The following RABEPK variants were observed in gnomAD, a reference collection of about 807,000 sequenced individuals.
The protein encoded by RABEPK is Rab9 effector protein with kelch motifs, also known as 40 kDa Rab9 effector protein.
Under a neutral mutation model 34.1 loss-of-function variants are expected in RABEPK, and 27 were observed. The ratio of observed to expected loss-of-function variants is 0.79; its 90% CI spans 0.58 to 1.09. RABEPK has a LOEUF of 1.09. RABEPK is among the 50% of genes least tolerant of loss of function. The probability of loss-of-function intolerance (pLI) is 0.00; values close to 1 mark genes in which losing one functional copy is unlikely to be tolerated. For synonymous variants in RABEPK, 172 were observed against 169.2 expected (o/e 1.02, Z -0.13); for missense variants, 449 against 462.6 (o/e 0.97, Z 0.27).
chr9:125,226,403 A>G (rs1831751517), intron 5 of RABEPK, among the ~76,000 whole-genome samples: 1 of 152,060 alleles, frequency 6.6e-6, no homozygotes, highest in African/African-American at 2.4e-5. Context: ...AAGGGATGAA[A>G]TTGTTATTGA....
chr9:125,228,942 G>A (rs905528018), intron 6 of RABEPK, among the ~76,000 whole-genome samples: 10 of 151,034 alleles, frequency 6.6e-5, no homozygotes, highest in Non-Finnish European at 1.2e-4. Flanking sequence ...CAGCCTGGGT[G>A]ACAGAGTGAG....
chr9:125,213,438 C>T lies in RABEPK; in HGVS notation c.280C>T (p.Pro94Ser), dbSNP rs919439858. The T allele has an allele frequency of 1.9e-6, 3 of 1,613,972 alleles. No individual in the cohort carries two copies. In the African/African-American group the frequency reaches 4.0e-5, roughly 22 times the overall value. The change falls in exon 4 of 8, where the codon CCC becomes TCC. Residue 94 changes from proline (P) to serine (S), a missense_variant. Transcript: ENST00000373538. ...LPRYEHASFI[P>S]SCTPDRIWVF... is the part of the protein sequence containing the mutation. ...CCGGTATGAACATGCTAGCTTCATT[C>T]CCTCCTGCACACCTGACCGTATCTG...
chr9:125,226,816 A>T (rs1449385377), intron 5 of RABEPK, among the ~76,000 whole-genome samples: 1 of 151,624 alleles, frequency 6.6e-6, no homozygotes, highest in African/African-American at 2.4e-5. Context: ...GTAAGCCGAG[A>T]TTGTGCCACT....
chr9:125,231,461 G>A (rs1832172643), intron 6 of RABEPK, among the ~76,000 whole-genome samples: 1 of 152,130 alleles, frequency 6.6e-6, no homozygotes, highest in Non-Finnish European at 1.5e-5. Context: ...TAGGGTCTCG[G>A]ACAAGTCTCT....
intron 4 of RABEPK, among the ~76,000 whole-genome samples, chr9:125,216,176 C>T (rs1830916955): frequency 6.6e-6 from 1 of 151,928 alleles, no homozygotes; most frequent in African/African-American, 2.4e-5. Flanking sequence ...GCCTGTAGTC[C>T]CAGCTGCTGA....
intron 5 of RABEPK, among the ~76,000 whole-genome samples, chr9:125,227,047 G>A (rs558804179): frequency 3.4e-4 from 51 of 151,340 alleles, no homozygotes; most frequent in African/African-American, 1.2e-3. Context: ...TTGCATGCCT[G>A]TAATCCCAGC....
At chr9:125,209,765 T>G (rs535792367) in intron 3 of RABEPK, among the ~76,000 whole-genome samples, 78 of 152,310 alleles carry the variant, frequency 5.1e-4, no homozygotes, top group Admixed American at 1.0e-3. Flanking sequence ...CAGATCCCTC[T>G]GCTAGGAATG....
At chr9:125,215,284 G>GC (rs1554728716) in intron 4 of RABEPK, among the ~76,000 whole-genome samples, 1 of 56,196 alleles carries the variant, frequency 1.8e-5, no homozygotes, top group African/African-American at 1.1e-4. Context: ...TCATTTGTTT[G>GC]TTTTTTTTGG....
At chr9:125,202,095 T>C (rs1829943179) in intron 1 of RABEPK, among the ~76,000 whole-genome samples, 2 of 151,760 alleles carry the variant, frequency 1.3e-5, no homozygotes, top group Non-Finnish European at 2.9e-5. Flanking sequence ...TTGCCTGTAG[T>C]CCCAGCTTAC....
At chr9:125,202,602 G>C (rs2131362790) in intron 1 of RABEPK, among the ~76,000 whole-genome samples, 1 of 152,242 alleles carries the variant, frequency 6.6e-6, no homozygotes, top group East Asian at 1.9e-4. Flanking sequence ...GGCTGAGGCG[G>C]GTGGATCAGC....
Position 125,207,706 on chromosome 9 carries a change from C to T in RABEPK, c.196C>T (p.His66Tyr), listed in dbSNP as rs765143257. The T allele has an allele frequency of 6.2e-7, 1 of 1,614,124 alleles. No homozygotes were observed. Among genetic ancestry groups the T allele is most frequent in the Non-Finnish European group, 8.5e-7 (1 of 1,179,982 alleles). Residue 66 changes from histidine to tyrosine, a missense_variant, in exon 3 of 8, where the codon CAC (histidine) becomes TAC (tyrosine). Physicochemically the swap from His to Tyr is moderately conservative, Grantham distance 83. Coordinates refer to ENST00000373538, the MANE Select transcript of RABEPK (RefSeq NM_005833.4). ...ANPNRSFSDV[H>Y]TMDLGKHQWD... ...TCCAAACAGAAGCTTCTCAGACGTG[C>T]ACACCATGGATCTGGGTAAGATCAG...
chr9:125,215,141 A>G (rs552207489), intron 4 of RABEPK, among the ~76,000 whole-genome samples: 16 of 150,770 alleles, frequency 1.1e-4, no homozygotes, highest in African/African-American at 3.9e-4. Flanking sequence ...GCCTGAGATC[A>G]TACTATATTT....
In RABEPK at chr9:125,210,728, T is replaced by G. The variant is rs111546618; in HGVS notation, c.212-2642T>G. ...TCTCAAAAAAAAAAAAAAAAGAAAA[T>G]AAAAGAAACGATTATTCTTTGCTCT... On this transcript the variant is annotated intron_variant, in intron 3 of 7. Transcript: ENST00000373538. Among the ~76,000 whole-genome samples the G allele has an allele frequency of 4.7e-3, 684 of 145,428 alleles. 4 individuals carry two copies. Among genetic ancestry groups the G allele is most frequent in the South Asian group, 8.5e-3 (39 of 4,614 alleles).
In RABEPK at chr9:125,234,032, A is replaced by G. The variant is rs1832418322; in HGVS notation, c.*52A>G. ...AGTTACTTTCAGAATAGTTAAGTAA[A>G]ACATTAGCTGTTTTATACCTCCAAA... On this transcript the variant is annotated 3_prime_UTR_variant, in exon 8 of 8. Transcript: ENST00000373538. The G allele has an allele frequency of 6.8e-7, 1 of 1,465,148 alleles. No homozygotes were observed. The highest frequency in any genetic ancestry group is 9.4e-7 in the Non-Finnish European group (1 of 1,069,362). 90.8% of individuals were successfully genotyped at this position (1,465,148 alleles called of 1,614,324 possible).
intron 6 of RABEPK, among the ~76,000 whole-genome samples, chr9:125,232,037 T>C (rs1010689821): frequency 6.6e-6 from 1 of 151,372 alleles, no homozygotes; most frequent in Non-Finnish European, 1.5e-5. Context: ...GTAGCTGGGA[T>C]TACAGGCATG....
chr9:125,201,037 C>T, intron 1 of RABEPK, 131 bp downstream of exon 1: 1 of 355,954 alleles, frequency 2.8e-6, no homozygotes. Flanking sequence ...CCTCTAGGAA[C>T]TTAGTCTAGT....
In RABEPK at chr9:125,220,608, C is replaced by T. The variant is rs1278013469; in HGVS notation, c.434C>T (p.Ser145Leu). 5.0e-6 allele frequency: 8 copies of T among 1,614,032 alleles called. No homozygotes were observed. The highest frequency in any genetic ancestry group is 1.3e-5 in the African/African-American group (1 of 74,908). The change falls in exon 5 of 8, where the codon TCG becomes TTG. Residue 145 changes from serine to leucine, a missense_variant. By Grantham distance (145) the Ser-to-Leu change is moderately radical. Coordinates refer to ENST00000373538, the MANE Select transcript of RABEPK (RefSeq NM_005833.4). ...TCCCCAAGAACATTCCACACATCAT[C>T]GGCAGCCATTGGAAACCAGCTATAT... The part of the protein sequence containing the change: ...PPSPRTFHTS[S>L]AAIGNQLYVF...
chr9:125,204,671 A>G (rs897009494), intron 2 of RABEPK, among the ~76,000 whole-genome samples: 15 of 152,300 alleles, frequency 9.8e-5, no homozygotes, highest in African/African-American at 3.4e-4. Flanking sequence ...CTCAAATCCC[A>G]TGACTTGTTC....
intron 4 of RABEPK, among the ~76,000 whole-genome samples, chr9:125,215,399 A>G (rs905398962): frequency 6.7e-6 from 1 of 149,784 alleles, no homozygotes; most frequent in African/African-American, 2.5e-5. Flanking sequence ...AGCCTCGACC[A>G]CCCAGGCTCA....
Sources: allele counts gnomAD v4.1 joint callset (sites outside exome capture counted in the v4.1 genomes callset), GRCh38; gene constraint gnomAD v4.1.1; transcripts MANE v1.5; gene names NCBI Gene and HGNC (gene_info 2026-07-23, HGNC 2026-07-21).